CNTN6: variants seen among roughly 807,000 people sequenced by gnomAD.
CNTN6 encodes contactin 6, also known as contactin-6.
A neutral mutation model predicts 122.8 loss-of-function variants in CNTN6; 137 were observed. The ratio of observed to expected loss-of-function variants is 1.12; its 90% CI spans 0.97 to 1.29. The LOEUF is 1.29. Ranked by LOEUF, CNTN6 falls within the 50% of genes most tolerant of loss-of-function variation. The pLI, the probability that CNTN6 is intolerant of heterozygous loss-of-function variation, is 0.00. For synonymous variants in CNTN6, 570 were observed against 426.0 expected, an observed-to-expected ratio of 1.34 and a Z score of -4.16; for missense variants, 1,634 against 1,223.4, an observed-to-expected ratio of 1.34 and a Z score of -5.01.
intron 11 of CNTN6, among the ~76,000 whole-genome samples, chr3:1,332,188 G>C (rs1393417006): frequency 2.0e-5 from 3 of 151,928 alleles, no homozygotes; most frequent in African/African-American, 7.2e-5. Flanking sequence ...GCAGAATGTA[G>C]TAATTACAGT....
At chr3:1,097,108 G>A (rs146896402) in intron 1 of CNTN6, among the ~76,000 whole-genome samples, 4 of 152,206 alleles carry the variant, frequency 2.6e-5, no homozygotes, top group African/African-American at 4.8e-5. Context: ...TCTGCATGAT[G>A]TGTTGTAGTA....
chr3:1,338,607 C>G (rs1047153666), intron 11 of CNTN6, among the ~76,000 whole-genome samples: 2 of 152,128 alleles, frequency 1.3e-5, no homozygotes, highest in African/African-American at 4.8e-5. Context: ...TAGTTCTCCC[C>G]TTTTTGAAAA....
intron 8 of CNTN6, among the ~76,000 whole-genome samples, chr3:1,322,873 A>G (rs1701055616): frequency 6.6e-6 from 1 of 151,716 alleles, no homozygotes; most frequent in Non-Finnish European, 1.5e-5. Context: ...TAGCCAAGAA[A>G]AACAATATTT....
chr3:1,379,051 A>G (rs1710278574), intron 17 of CNTN6, among the ~76,000 whole-genome samples: 3 of 152,148 alleles, frequency 2.0e-5, no homozygotes, highest in Admixed American at 2.0e-4. Flanking sequence ...GTTTTGCCTG[A>G]CTTAATAACT....
chr3:1,348,157 CAAAAAAA>C (rs532282828), intron 11 of CNTN6, among the ~76,000 whole-genome samples: 1 of 64,302 alleles, frequency 1.6e-5, no homozygotes, highest in African/African-American at 6.9e-5. Flanking sequence ...ATGCTATAGA[CAAAAAAA>C]AAAAAAAAAA....
intron 2 of CNTN6, among the ~76,000 whole-genome samples, chr3:1,157,733 T>C (rs1428460903): frequency 2.0e-5 from 3 of 150,878 alleles, no homozygotes; most frequent in African/African-American, 7.3e-5. Context: ...TTACATCCCA[T>C]AAGTAAGTGA....
chr3:1,384,666 CTA>C (rs539955358), intron 19 of CNTN6, among the ~76,000 whole-genome samples: 2,395 of 113,346 alleles, frequency 0.021, 42 homozygotes, highest in African/African-American at 0.053. Context: ...TTAATTTTGC[CTA>C]TATATATATA....
At chr3:1,342,004 T>C (rs1703958889) in intron 11 of CNTN6, among the ~76,000 whole-genome samples, 1 of 152,204 alleles carries the variant, frequency 6.6e-6, no homozygotes, top group Non-Finnish European at 1.5e-5. Context: ...TGAATCATCC[T>C]TGAAAAATCA....
intron 20 of CNTN6, among the ~76,000 whole-genome samples, chr3:1,394,842 T>C (rs556801438): frequency 6.6e-6 from 1 of 152,280 alleles, no homozygotes; most frequent in African/African-American, 2.4e-5. Context: ...GATCAATTTG[T>C]CAAAGAGTAG....
intron 1 of CNTN6, among the ~76,000 whole-genome samples, chr3:1,101,631 A>G (rs376863104): frequency 1.3e-5 from 2 of 152,148 alleles, no homozygotes; most frequent in African/African-American, 4.8e-5. Flanking sequence ...TTTTTTCTGG[A>G]AACATTGTCA....
intron 4 of CNTN6, among the ~76,000 whole-genome samples, chr3:1,258,923 G>A (rs1318783924): frequency 6.6e-6 from 1 of 152,114 alleles, no homozygotes; most frequent in Non-Finnish European, 1.5e-5. Flanking sequence ...TTTCTGTAAA[G>A]AGCCAGATAG....
At chr3:1,280,459 A>ATTTTTTTTTT (rs71619483) in intron 5 of CNTN6, among the ~76,000 whole-genome samples, 1,304 of 66,550 alleles carry the variant, frequency 0.02, 291 homozygotes, top group African/African-American at 0.073. Context: ...TGTAATACCA[A>ATTTTTTTTTT]TTTTTTTTTT....
intron 20 of CNTN6, among the ~76,000 whole-genome samples, chr3:1,397,597 G>C (rs371874414): frequency 1.3e-5 from 2 of 151,936 alleles, no homozygotes; most frequent in Non-Finnish European, 2.9e-5. Flanking sequence ...AGGAAAGAAA[G>C]AAAAATATTT....
intron 4 of CNTN6, among the ~76,000 whole-genome samples, chr3:1,253,026 T>C (rs903318750): frequency 2.0e-5 from 3 of 152,192 alleles, no homozygotes; most frequent in African/African-American, 7.2e-5. Context: ...AAGATTGTAT[T>C]TAGAGACAGG....
chr3:1,202,489 C>T (rs532892985), intron 2 of CNTN6, among the ~76,000 whole-genome samples: 6 of 151,338 alleles, frequency 4.0e-5, no homozygotes, highest in East Asian at 3.9e-4. Flanking sequence ...TGCAGTGAGC[C>T]AAGATGGCGC....
intron 4 of CNTN6, among the ~76,000 whole-genome samples, chr3:1,273,550 C>G (rs1691762141): frequency 6.6e-6 from 1 of 152,280 alleles, no homozygotes; most frequent in African/African-American, 2.4e-5. Context: ...TGGATCTGTA[C>G]AATAGACCTT....
At chr3:1,338,849 G>A (rs887317785) in intron 11 of CNTN6, among the ~76,000 whole-genome samples, 1 of 151,822 alleles carries the variant, frequency 6.6e-6, no homozygotes, top group African/African-American at 2.4e-5. Flanking sequence ...GTCCTTTTTT[G>A]TTTACTTAAA....
At chr3:1,167,824 A>T (rs975996788) in intron 2 of CNTN6, among the ~76,000 whole-genome samples, 1 of 152,196 alleles carries the variant, frequency 6.6e-6, no homozygotes, top group Non-Finnish European at 1.5e-5. Context: ...CCCAACATAT[A>T]TTGAGCACTC....
intron 1 of CNTN6, among the ~76,000 whole-genome samples, chr3:1,128,977 C>T (rs1206651556): frequency 6.6e-6 from 1 of 151,770 alleles, no homozygotes; most frequent in Admixed American, 6.6e-5. Context: ...TAGATATATG[C>T]CTTCTTTTGT....
Sources: allele counts gnomAD v4.1 joint callset (sites outside exome capture counted in the v4.1 genomes callset), GRCh38; gene constraint gnomAD v4.1.1; transcripts MANE v1.5; gene names NCBI Gene and HGNC (gene_info 2026-07-23, HGNC 2026-07-21).